NT5C3A: variants seen among roughly 807,000 people sequenced by gnomAD.
NT5C3A encodes cytosolic 5'-nucleotidase 3A.
Under a neutral mutation model 40.0 loss-of-function variants are expected in NT5C3A, and 23 were observed. That is an observed-to-expected ratio of 0.58 (90% CI 0.41 to 0.81). The LOEUF (loss-of-function observed/expected upper bound fraction) is 0.81, where lower values mean the gene tolerates loss of function less well. Among genes scored for constraint, NT5C3A ranks in the 40% least tolerant of loss-of-function variants. The pLI is 0.00. For synonymous variants in NT5C3A, 130 were observed against 141.4 expected (o/e 0.92, Z 0.57); for missense variants, 328 against 403.0 (o/e 0.81, Z 1.59).
intron 6 of NT5C3A, among the ~76,000 whole-genome samples, chr7:33,018,650 A>AC (rs1785468236): frequency 6.6e-6 from 1 of 152,032 alleles, no homozygotes; most frequent in Admixed American, 6.6e-5. Flanking sequence ...GGAGATCGAG[A>AC]CCATCCTGGC....
Position 33,062,603 on chromosome 7 carries a change from T to C in NT5C3A, c.103A>G (p.Arg35Gly). Residue 35 changes from arginine (R) to glycine (G), a missense_variant, in exon 1 of 9, where the codon AGG (arginine) becomes GGG (glycine). Coordinates refer to ENST00000610140, the MANE Select transcript of NT5C3A (RefSeq NM_001002010.5). The stretch of plus-strand genomic sequence containing the variant: ...ATCTTGGTCTTCCGCCCCGTCTTCC[T>C]CTTCAAGGTGAATATGTACTGAGCC... ...VLAQYIFTLKRKTGRKTKIIE... is the reference protein window; with the variant it reads ...VLAQYIFTLKGKTGRKTKIIE... The C allele has an allele frequency of 6.2e-7, 1 of 1,610,000 alleles. No individual in the cohort carries two copies. The highest frequency in any genetic ancestry group is 8.5e-7 in the Non-Finnish European group (1 of 1,178,868).
chr7:33,018,576 C>T (rs1055861920), intron 6 of NT5C3A, among the ~76,000 whole-genome samples: 10 of 152,156 alleles, frequency 6.6e-5, no homozygotes, highest in African/African-American at 2.4e-4. Context: ...TTGGGCCGGG[C>T]GCAGTGGCTC....
intron 1 of NT5C3A, among the ~76,000 whole-genome samples, chr7:33,046,779 G>A (rs7776847): frequency 0.19 from 28,915 of 151,256 alleles, 3,152 homozygotes; most frequent in Admixed American, 0.32. Flanking sequence ...CCATATGTTT[G>A]AATATTTCAA....
Position 33,055,073 on chromosome 7 carries a change from C to T in NT5C3A, c.138+7495G>A, listed in dbSNP as rs182328084. Among the ~76,000 whole-genome samples, 3 of 152,216 alleles carry T rather than the reference C, an allele frequency of 2.0e-5. No individual in the cohort carries two copies. The East Asian group carries it at 5.8e-4, about 29-fold the overall frequency. ...GGCATGGTGGCTCACACCTGTAATC[C>T]CAGCATTTTGGGAGGCCAAGGCGGG... On this transcript the variant is annotated intron_variant, in intron 1 of 8. Coordinates refer to ENST00000610140, the MANE Select transcript of NT5C3A (RefSeq NM_001002010.5).
chr7:33,062,557 T>C lies in NT5C3A; in HGVS notation c.138+11A>G. 1 of 1,609,110 alleles carries C rather than the reference T, an allele frequency of 6.2e-7. No individual in the cohort carries two copies. Among genetic ancestry groups the C allele is most frequent in the Non-Finnish European group, 8.5e-7 (1 of 1,178,222 alleles). Reference sequence around the variant, plus strand: ...TCGCGTGCTCTGGGCGCGCCGAGCCTCCACACTCACCATCTCGATGATCTT... The same window carrying C: ...TCGCGTGCTCTGGGCGCGCCGAGCCCCCACACTCACCATCTCGATGATCTT... On this transcript the variant is annotated intron_variant, in intron 1 of 8. Coordinates refer to ENST00000610140, the MANE Select transcript of NT5C3A (RefSeq NM_001002010.5).
intron 1 of NT5C3A, among the ~76,000 whole-genome samples, chr7:33,053,314 A>G (rs1022383712): frequency 1.3e-5 from 2 of 151,996 alleles, no homozygotes; most frequent in Non-Finnish European, 2.9e-5. Context: ...CAGCCTCCTG[A>G]GTAGCTGGGA....
chr7:33,041,278 G>A (rs1366507435), intron 1 of NT5C3A: 3 of 307,918 alleles, frequency 9.7e-6, no homozygotes, highest in Admixed American at 6.5e-5. Flanking sequence ...TTAATACAAA[G>A]TTAAAAAGAT....
At chr7:33,015,627 C>T in intron 8 of NT5C3A, 43 bp downstream of exon 8, 1 of 1,282,970 alleles carries the variant, frequency 7.8e-7, no homozygotes. Context: ...CAAGTTTCAT[C>T]CTAATATTTT....
intron 1 of NT5C3A, among the ~76,000 whole-genome samples, chr7:33,054,021 T>C (rs1025996244): frequency 6.6e-6 from 1 of 151,976 alleles, no homozygotes; most frequent in South Asian, 2.1e-4. Context: ...GTTTACAAAT[T>C]TGGGAATTCA....
At chr7:33,055,186 G>A (rs1292453065) in intron 1 of NT5C3A, among the ~76,000 whole-genome samples, 3 of 152,072 alleles carry the variant, frequency 2.0e-5, no homozygotes, top group African/African-American at 4.8e-5. Context: ...TTAGCTGGGC[G>A]TGGTGGTGCC....
At chr7:33,062,337 A>G (rs1388643412) in intron 1 of NT5C3A, among the ~76,000 whole-genome samples, 1 of 152,228 alleles carries the variant, frequency 6.6e-6, no homozygotes, top group Non-Finnish European at 1.5e-5. Flanking sequence ...CGGGCAGCCA[A>G]GGGCCGCAGC....
chr7:33,045,562 C>T (rs978088752), intron 1 of NT5C3A, among the ~76,000 whole-genome samples: 1 of 151,604 alleles, frequency 6.6e-6, no homozygotes, highest in Non-Finnish European at 1.5e-5. Flanking sequence ...TGAGTTCAAG[C>T]GATTCTTCTG....
In NT5C3A at chr7:33,021,288, G is replaced by A. The variant is rs781422780; in HGVS notation, c.424C>T (p.Pro142Ser). 1.2e-6 allele frequency: 2 copies of A among 1,611,658 alleles called. No homozygotes were observed. The highest frequency in any genetic ancestry group is 1.7e-6 in the Non-Finnish European group (2 of 1,178,730). The change falls in exon 5 of 9, where the codon CCT becomes TCT. Residue 142 changes from proline (P) to serine (S), a missense_variant. Physicochemically the swap from Pro to Ser is moderately conservative, Grantham distance 74. This residue lies in a region of NT5C3A where 280 missense variants were observed against 317.2 expected (regional missense o/e 0.88). Coordinates refer to ENST00000610140, the MANE Select transcript of NT5C3A (RefSeq NM_001002010.5). ...DPVLTVEEKY[P>S]YMVEWYTKSH... The stretch of plus-strand genomic sequence containing the variant: ...TACACTTACCATTCCACCATATAAG[G>A]GTACTTCTCTTCTACAGTAAGAACA...
chr7:33,021,698 C>A (rs113210094), intron 4 of NT5C3A: 2 of 394,504 alleles, frequency 5.1e-6, no homozygotes, highest in Admixed American at 4.3e-5. Context: ...CATACTCAAG[C>A]GAAGTACTGA....
chr7:33,022,533 T>C (rs1468966883), intron 3 of NT5C3A, among the ~76,000 whole-genome samples: 1 of 152,182 alleles, frequency 6.6e-6, no homozygotes, highest in African/African-American at 2.4e-5. Flanking sequence ...AAAACAAAAA[T>C]TGAATGGTAA....
intron 3 of NT5C3A, 91 bp downstream of exon 3, chr7:33,023,948 A>T (rs1785773482): frequency 1.3e-6 from 1 of 797,328 alleles, no homozygotes; most frequent in South Asian, 1.4e-5. Context: ...GAAGAATTTT[A>T]AAAACCCAGT....
rs185302946 is a variant in NT5C3A at position 33,060,804 on chromosome 7, T to C, written c.138+1764A>G. 3.1e-3 allele frequency among the ~76,000 whole-genome samples: 466 copies of C among 152,322 alleles called. 2 individuals carry two copies. Among genetic ancestry groups the C allele is most frequent in the Middle Eastern group, 6.8e-3 (2 of 294 alleles). On this transcript the variant is annotated intron_variant, in intron 1 of 8. Transcript: ENST00000610140. ...AACTAGGATTCCAACCCAGGTCTTC[T>C]GACCCCCAGTCAAATACTTCTTCCA...
chr7:33,033,358 T>A (rs1270865239), intron 1 of NT5C3A, among the ~76,000 whole-genome samples: 1 of 152,230 alleles, frequency 6.6e-6, no homozygotes, highest in East Asian at 1.9e-4. Flanking sequence ...TATGCACTAC[T>A]AAATTTTAGT....
At chr7:33,044,442 G>T (rs1205492211) in intron 1 of NT5C3A, among the ~76,000 whole-genome samples, 1 of 152,090 alleles carries the variant, frequency 6.6e-6, no homozygotes, top group Non-Finnish European at 1.5e-5. Context: ...AAGTTGTAAA[G>T]ACAGGTTCTT....
Sources: gnomAD v4.1 joint callset for allele counts (sites outside exome capture counted in the v4.1 genomes callset) on GRCh38, gnomAD v4.1.1 for gene constraint, gnomAD v4.1.1 regional missense constraint, MANE v1.5 for transcripts, NCBI Gene and HGNC (gene_info 2026-07-23, HGNC 2026-07-21) for gene names.